The following ZNF346 variants were observed in gnomAD, a reference collection of about 807,000 sequenced individuals.
The protein encoded by ZNF346 is zinc finger protein 346.
In ZNF346, 23 loss-of-function variants were observed where a neutral mutation model predicts 33.7. The ratio of observed to expected loss-of-function variants is 0.68; its 90% confidence interval spans 0.49 to 0.97. ZNF346 has a LOEUF of 0.97. Ranked by LOEUF, ZNF346 falls within the 50% of genes least tolerant of loss-of-function variation. The pLI is 0.00. For missense variants in ZNF346, 340 were observed against 371.1 expected, an observed-to-expected ratio of 0.92 and a Z score of 0.69; for synonymous variants, 134 against 142.4, an observed-to-expected ratio of 0.94 and a Z score of 0.42.
At chr5:177,028,716 T>C (rs1472282823) in intron 1 of ZNF346, among the ~76,000 whole-genome samples, 5 of 119,246 alleles carry the variant, frequency 4.2e-5, no homozygotes, top group Admixed American at 3.3e-4. Flanking sequence ...TCTTTTTTTT[T>C]TTTTTTTTTT....
At chr5:177,036,931 G>A (rs1454545418) in intron 1 of ZNF346, among the ~76,000 whole-genome samples, 1 of 151,886 alleles carries the variant, frequency 6.6e-6, no homozygotes, top group Non-Finnish European at 1.5e-5. Context: ...GGGAAACCCT[G>A]AGGTTTTGTT....
chr5:177,070,859 G>T (rs561079846), downstream of ZNF346, among the ~76,000 whole-genome samples: 4 of 152,268 alleles, frequency 2.6e-5, no homozygotes, highest in South Asian at 8.3e-4. Context: ...TCCACTACTG[G>T]GGAGCCCCTG....
At chr5:177,024,538 C>T (rs1232106057) in intron 1 of ZNF346, among the ~76,000 whole-genome samples, 1 of 152,104 alleles carries the variant, frequency 6.6e-6, no homozygotes, top group Admixed American at 6.6e-5. Context: ...CTCCCCTACC[C>T]CAATTTTCCT....
At chr5:177,041,897 C>T (rs1365090754) in intron 3 of ZNF346, 27 bp downstream of exon 3, 1 of 1,517,460 alleles carries the variant, frequency 6.6e-7, no homozygotes, top group Non-Finnish European at 9.1e-7. Flanking sequence ...ATTGAGCCCA[C>T]TTGCTTCATG....
intron 5 of ZNF346, among the ~76,000 whole-genome samples, chr5:177,060,254 G>A (rs752983198): frequency 5.3e-5 from 8 of 152,202 alleles, no homozygotes; most frequent in African/African-American, 7.2e-5. Context: ...CAGGCACGGC[G>A]GCTCACGCCT....
intron 3 of ZNF346, among the ~76,000 whole-genome samples, chr5:177,043,700 GT>G (rs1167637705): frequency 1.3e-5 from 2 of 151,934 alleles, no homozygotes; most frequent in Non-Finnish European, 1.5e-5. Context: ...GGAGGTGGAG[GT>G]TGCAGTGAGC....
At chr5:177,048,627 GA>G (rs955156609) in intron 4 of ZNF346, among the ~76,000 whole-genome samples, 2 of 150,886 alleles carry the variant, frequency 1.3e-5, no homozygotes, top group African/African-American at 4.9e-5. Context: ...ATCTCAAAAA[GA>G]AAAAAAAGAA....
chr5:177,050,136 A>G (rs577581908), intron 4 of ZNF346, among the ~76,000 whole-genome samples: 2 of 152,288 alleles, frequency 1.3e-5, no homozygotes, highest in African/African-American at 2.4e-5. Context: ...GCATAACTAA[A>G]TGTTAATGGT....
rs1046844320 is a variant in ZNF346 at position 177,022,925 on chromosome 5, G to A, written c.175+12G>A. 5.5e-6 allele frequency: 8 copies of A among 1,458,006 alleles called. No individual in the cohort carries two copies. The highest frequency in any genetic ancestry group is 6.3e-6 in the Non-Finnish European group (7 of 1,105,926). 90.3% of individuals were successfully genotyped at this position (1,458,006 alleles called of 1,614,324 possible). A position where few individuals can be genotyped will look rare whatever the true frequency, so the allele number is the denominator to read the frequency against. On this transcript the variant is annotated intron_variant, in intron 1 of 6. Transcript: ENST00000358149. ...GGGTAGAGAGGAAGGTGAGTCGGGG[G>A]CTTTGGAGGCAGAAAGCCCCTCGCC... is the stretch of plus-strand genomic sequence containing the variant.
intron 1 of ZNF346, among the ~76,000 whole-genome samples, chr5:177,030,066 G>A (rs899100625): frequency 2.6e-5 from 4 of 152,174 alleles, no homozygotes; most frequent in Non-Finnish European, 4.4e-5. Flanking sequence ...GTTCTGTATT[G>A]TAAAAGTAAA....
At chr5:177,057,737 C>G (rs1401727925) in intron 5 of ZNF346, among the ~76,000 whole-genome samples, 1 of 104,804 alleles carries the variant, frequency 9.5e-6, no homozygotes, top group Non-Finnish European at 2.2e-5. Context: ...GACCCTGTCT[C>G]AAAAAAAAAA....
At chr5:177,073,679 G>A (rs1399103967) in intron 8 of ZNF346, among the ~76,000 whole-genome samples, 2 of 152,176 alleles carry the variant, frequency 1.3e-5, no homozygotes, top group Non-Finnish European at 2.9e-5. Context: ...GGTGGGAGGA[G>A]GCTTAGTGAA....
intron 8 of ZNF346, among the ~76,000 whole-genome samples, chr5:177,078,965 C>A (rs183676697): frequency 6.6e-6 from 1 of 150,972 alleles, no homozygotes; most frequent in South Asian, 2.1e-4. Context: ...TGGTTAGATC[C>A]GTAGTTTAAA....
chr5:177,030,685 G>C (rs1033177997), intron 1 of ZNF346, among the ~76,000 whole-genome samples: 2 of 151,872 alleles, frequency 1.3e-5, no homozygotes, highest in African/African-American at 4.8e-5. Flanking sequence ...GTACAATTCT[G>C]TGGTTTTTAG....
chr5:177,064,438 C>T (rs913967182), intron 6 of ZNF346, 74 bp from the exon 7 acceptor site: 2 of 1,192,790 alleles, frequency 1.7e-6, no homozygotes, highest in Non-Finnish European at 2.5e-6. Context: ...CCTGGAAGGG[C>T]AGTGCTATCA....
chr5:177,035,676 C>T (rs931618493), intron 1 of ZNF346, among the ~76,000 whole-genome samples: 2 of 146,176 alleles, frequency 1.4e-5, no homozygotes, highest in Non-Finnish European at 3.0e-5. Flanking sequence ...CACTGTGTCG[C>T]GCAGGCTGGA....
intron 5 of ZNF346, among the ~76,000 whole-genome samples, chr5:177,060,584 G>A (rs906718668): frequency 3.7e-4 from 55 of 147,550 alleles, no homozygotes; most frequent in African/African-American, 1.4e-3. Context: ...GACCAAGGCG[G>A]GCAGATCACC....
intron 3 of ZNF346, among the ~76,000 whole-genome samples, chr5:177,043,310 AT>A (rs1172391807): frequency 1.3e-5 from 2 of 152,056 alleles, no homozygotes; most frequent in Non-Finnish European, 2.9e-5. Flanking sequence ...TTTTCTCACA[AT>A]TTATAATTCA....
rs369411886 is a variant in ZNF346 at position 177,040,007 on chromosome 5, C to T, written c.176-1119C>T. On this transcript the variant is annotated intron_variant, in intron 1 of 6. Transcript: ENST00000358149. ...CATCCTGGCTAACACGATGAAACCC[C>T]GTCTCTACTAAAAATACAAAAAAAT... is the stretch of plus-strand genomic sequence containing the variant. Among the ~76,000 whole-genome samples, 12 of 151,980 alleles carry T rather than the reference C, an allele frequency of 7.9e-5. No homozygotes were observed. The East Asian group carries it at 2.2e-3, about 27-fold the overall frequency.
Sources: allele counts gnomAD v4.1 joint callset (sites outside exome capture counted in the v4.1 genomes callset), GRCh38; gene constraint gnomAD v4.1.1; transcripts MANE v1.5; gene names NCBI Gene and HGNC (gene_info 2026-07-23, HGNC 2026-07-21).